Variants in MLC1 observed in about 807,000 individuals in gnomAD.
MLC1 encodes the protein membrane protein MLC1.
A neutral mutation model predicts 44.7 loss-of-function variants in MLC1; 32 were observed. The ratio of observed to expected loss-of-function variants is 0.72; its 90% CI spans 0.54 to 0.96. MLC1 has a LOEUF of 0.96. Ranked by LOEUF, MLC1 falls within the 40% of genes least tolerant of loss-of-function variation. MLC1 has a pLI of 0.00. For missense variants in MLC1, 459 were observed against 492.2 expected (o/e 0.93, Z 0.64); for synonymous variants, 190 against 213.0 (o/e 0.89, Z 0.94).
intron 11 of MLC1, among the ~76,000 whole-genome samples, chr22:50,062,774 G>T (rs928879160): frequency 4.6e-5 from 7 of 152,258 alleles, no homozygotes; most frequent in African/African-American, 1.7e-4. Flanking sequence ...GGGCATCAAG[G>T]TGACAGTCCT....
intron 8 of MLC1, among the ~76,000 whole-genome samples, chr22:50,070,881 C>A (rs1233123619): frequency 6.6e-6 from 1 of 152,198 alleles, no homozygotes. Context: ...GCCCCAAAAT[C>A]ACCAGAGTCC....
At chr22:50,082,752 C>T (rs1210075429) in intron 3 of MLC1, among the ~76,000 whole-genome samples, 1 of 152,166 alleles carries the variant, frequency 6.6e-6, no homozygotes, top group Non-Finnish European at 1.5e-5. Context: ...GCAACCTCCG[C>T]CTCCCAGGTT....
Position 50,076,926 on chromosome 22 carries a change from G to C in MLC1, c.526-14C>G, listed in dbSNP as rs1555967034. On this transcript the variant is annotated splice_polypyrimidine_tract_variant and intron_variant, in intron 6 of 11. Coordinates refer to ENST00000311597, the MANE Select transcript of MLC1 (RefSeq NM_015166.4). ...AGACATGGAGCCCTACGAAGAAACA[G>C]AACTGTCACCCCGGGTGCACGGGCA... is the stretch of plus-strand genomic sequence containing the variant. 7 of 1,613,882 alleles carry C rather than the reference G, an allele frequency of 4.3e-6. No homozygotes were observed. The South Asian group carries it at 7.7e-5, about 18-fold the overall frequency.
At chr22:50,072,119 A>G (rs1038196367) in intron 8 of MLC1, among the ~76,000 whole-genome samples, 17 of 152,238 alleles carry the variant, frequency 1.1e-4, no homozygotes, top group Non-Finnish European at 2.1e-4. Context: ...CAGTGAGGGC[A>G]CAGGAAGGGA....
intron 8 of MLC1, 68 bp from the exon 9 acceptor site, chr22:50,070,651 C>T: frequency 6.7e-7 from 1 of 1,491,768 alleles, no homozygotes; most frequent in East Asian, 2.5e-5. Flanking sequence ...AAACATGTGC[C>T]CTCCCACCAG....
intron 4 of MLC1, 87 bp from the exon 5 acceptor site, chr22:50,080,106 A>G: frequency 8.6e-7 from 1 of 1,167,202 alleles, no homozygotes; most frequent in South Asian, 1.3e-5. Context: ...GCCATTCACT[A>G]AAAATTATCC....
At chr22:50,079,500 CTTTTTTTTTTT>C (rs55760839) in intron 5 of MLC1, among the ~76,000 whole-genome samples, 1 of 75,820 alleles carries the variant, frequency 1.3e-5, no homozygotes, top group Non-Finnish European at 2.5e-5. Flanking sequence ...GGATTTTTGT[CTTTTTTTTTTT>C]TTTTTTTTTT....
chr22:50,061,187 A>G lies in MLC1; in HGVS notation c.*396T>C. The stretch of plus-strand genomic sequence containing the variant: ...GAAGCCCGGTCAGAGTGGGCAGGAG[A>G]CGCAGGGACCCACAGTCTGGTCAGG... On this transcript the variant is annotated 3_prime_UTR_variant, in exon 12 of 12. Coordinates refer to ENST00000311597, the MANE Select transcript of MLC1 (RefSeq NM_015166.4). The G allele has an allele frequency of 3.2e-6, 1 of 308,982 alleles. No individual in the cohort carries two copies. The allele number at this position is 308,982 out of a possible 1,614,324, so 19.1% of individuals were successfully genotyped here. A position where few individuals can be genotyped will look rare whatever the true frequency, so the allele number is the denominator to read the frequency against.
At position 50,061,135 on chromosome 22, in the gene MLC1, C is replaced by T. The variant is rs945649736; in HGVS notation, c.*448G>A. 27 of 256,512 alleles carry T rather than the reference C, an allele frequency of 1.1e-4. No individual in the cohort carries two copies. Among genetic ancestry groups the T allele is most frequent in the African/African-American group, 4.0e-4 (18 of 45,374 alleles). 15.9% of individuals were successfully genotyped at this position (256,512 alleles called of 1,614,324 possible). ...GATCCCACTGGGCTGACTGAGTACCCGGGACAGACCCTAAGCGTGGAGGGA... is the reference window on the plus strand; with the variant it reads ...GATCCCACTGGGCTGACTGAGTACCTGGGACAGACCCTAAGCGTGGAGGGA... On this transcript the variant is annotated 3_prime_UTR_variant, in exon 12 of 12. Transcript: ENST00000311597.
chr22:50,076,939 G>A (rs371024590), intron 6 of MLC1, 27 bp from the exon 7 acceptor site: 98 of 1,613,356 alleles, frequency 6.1e-5, no homozygotes, highest in African/African-American at 1.5e-4. Flanking sequence ...CTGTCACCCC[G>A]GGTGCACGGG....
At chr22:50,080,731 G>C (rs909034806) in intron 3 of MLC1, among the ~76,000 whole-genome samples, 25 of 152,292 alleles carry the variant, frequency 1.6e-4, no homozygotes, top group African/African-American at 5.8e-4. Context: ...TATTCTGAAA[G>C]AAGTTTTTAT....
At chr22:50,073,109 C>G (rs6010256) in intron 8 of MLC1, among the ~76,000 whole-genome samples, 3 of 152,060 alleles carry the variant, frequency 2.0e-5, no homozygotes, top group Admixed American at 6.6e-5. Context: ...CCCGGGCAGG[C>G]GTGGGCCCCT....
At chr22:50,079,364 A>G (rs2062059744) in intron 5 of MLC1, among the ~76,000 whole-genome samples, 1 of 151,270 alleles carries the variant, frequency 6.6e-6, no homozygotes, top group Non-Finnish European at 1.5e-5. Flanking sequence ...TTTCCTGCCC[A>G]ACGAGAGTGG....
intron 3 of MLC1, among the ~76,000 whole-genome samples, chr22:50,081,762 G>A (rs13053780): frequency 0.22 from 32,753 of 152,266 alleles, 3,784 homozygotes; most frequent in South Asian, 0.31. Context: ...TGCCACGAGG[G>A]CCCAGGGTAG....
chr22:50,079,692 T>A (rs1023057607), intron 5 of MLC1, among the ~76,000 whole-genome samples: 2 of 152,002 alleles, frequency 1.3e-5, no homozygotes, highest in African/African-American at 4.8e-5. Flanking sequence ...TTTTAAGGAC[T>A]GTTGGAAAAG....
intron 6 of MLC1, 117 bp from the exon 7 acceptor site, chr22:50,077,029 C>T (rs2062001008): frequency 9.7e-7 from 1 of 1,031,280 alleles, no homozygotes. Context: ...GATGCGAGAC[C>T]GCCTTGGAGG....
At chr22:50,071,487 T>C (rs1269865364) in intron 8 of MLC1, among the ~76,000 whole-genome samples, 1 of 152,216 alleles carries the variant, frequency 6.6e-6, no homozygotes, top group East Asian at 1.9e-4. Flanking sequence ...TCCCTGTTAA[T>C]CGGGGAGTCC....
In MLC1 at chr22:50,079,950, A is replaced by T. The variant is rs745594525; in HGVS notation, c.391T>A (p.Cys131Ser). The change falls in exon 5 of 12, where the codon TGC becomes AGC. Residue 131 changes from cysteine (C) to serine (S), a missense_variant. Physicochemically the swap from Cys to Ser is moderately radical, Grantham distance 112. Transcript: ENST00000311597. The stretch of plus-strand genomic sequence containing the variant: ...GCTGATGGGTTCAGGACTAGTTTGC[A>T]TCCAAACCAAATTAAACACGTAGTG... ...VTTTCLIWFG[C>S]KLVLNPSAIN... is the part of the protein sequence containing the mutation. 1.2e-6 allele frequency: 2 copies of T among 1,614,112 alleles called. No individual in the cohort carries two copies. The highest frequency in any genetic ancestry group is 1.1e-5 in the South Asian group (1 of 91,090).
Position 50,076,895 on chromosome 22 carries a change from G to A in MLC1, c.543C>T (p.Ser181=), listed in dbSNP as rs559021124. The A allele has an allele frequency of 2.1e-5, 34 of 1,613,932 alleles. No homozygotes were observed. The highest frequency in any genetic ancestry group is 9.9e-5 in the South Asian group (9 of 91,080). ...ATGGCACTTCGTCCAGAATGTTGGC[G>A]CTGTCAGACATGGAGCCCTACGAAG... ...CKKKKGSMSD[S]ANILDEVPFP... The change falls in exon 7 of 12, where the codon AGC becomes AGT. Residue 181 remains serine, a synonymous_variant. Transcript: ENST00000311597.
Sources: allele counts gnomAD v4.1 joint callset (sites outside exome capture counted in the v4.1 genomes callset), GRCh38; gene constraint gnomAD v4.1.1; transcripts MANE v1.5; gene names NCBI Gene and HGNC (gene_info 2026-07-23, HGNC 2026-07-21).